Variants in SCN11A observed in about 807,000 individuals in gnomAD.
The protein encoded by SCN11A is sodium channel protein type 11 subunit alpha.
A neutral mutation model predicts 162.2 loss-of-function variants in SCN11A; 122 were observed. The observed-to-expected ratio is 0.75, with a 90% CI of 0.65 to 0.87. The LOEUF (loss-of-function observed/expected upper bound fraction) is 0.87. SCN11A is among the 40% of genes least tolerant of loss of function. SCN11A has a pLI of 0.00. For synonymous variants in SCN11A, 758 were observed against 751.5 expected (o/e 1.01, Z -0.14); for missense variants, 2,015 against 2,181.6 (o/e 0.92, Z 1.52).
At position 38,939,002 on chromosome 3, in the gene SCN11A, A is replaced by C. The variant is rs181447272; in HGVS notation, c.488+6409T>G. Among the ~76,000 whole-genome samples the C allele has an allele frequency of 2.7e-4, 41 of 152,138 alleles. No homozygotes were observed. In the East Asian group the frequency reaches 5.5e-3, roughly 20 times the overall value. On this transcript the variant is annotated intron_variant, in intron 7 of 29. Coordinates refer to ENST00000302328, the MANE Select transcript of SCN11A (RefSeq NM_001349253.2). Reference sequence around the variant, plus strand: ...GACCTGGGCAACATGGCAAAACCCCATCTCTACTAAAAATACAAAAATTAG... The same window carrying C: ...GACCTGGGCAACATGGCAAAACCCCCTCTCTACTAAAAATACAAAAATTAG...
intron 11 of SCN11A, among the ~76,000 whole-genome samples, chr3:38,914,749 G>GT (rs1312005792): frequency 6.6e-6 from 1 of 151,992 alleles, no homozygotes; most frequent in African/African-American, 2.4e-5. Context: ...ATATTCATGT[G>GT]TTTTTTTACT....
chr3:38,940,192 C>G (rs1016145846), intron 7 of SCN11A, among the ~76,000 whole-genome samples: 2 of 151,856 alleles, frequency 1.3e-5, no homozygotes, highest in African/African-American at 2.4e-5. Flanking sequence ...TGTGGAAGAT[C>G]TGTATGAAGA....
chr3:39,033,827 T>C (rs1394005410), intron 1 of SCN11A, among the ~76,000 whole-genome samples: 1 of 152,208 alleles, frequency 6.6e-6, no homozygotes, highest in Non-Finnish European at 1.5e-5. Flanking sequence ...AACTACTATT[T>C]ACATAGCATT....
chr3:38,872,710 T>C (rs1222060878), intron 23 of SCN11A, among the ~76,000 whole-genome samples: 2 of 152,186 alleles, frequency 1.3e-5, no homozygotes, highest in Non-Finnish European at 2.9e-5. Flanking sequence ...GATCACTGTA[T>C]TGTAATCATG....
chr3:38,997,545 C>T (rs1471621032), intron 2 of SCN11A, among the ~76,000 whole-genome samples: 1 of 152,144 alleles, frequency 6.6e-6, no homozygotes, highest in Non-Finnish European at 1.5e-5. Context: ...ACATCATATA[C>T]AACTTATTAG....
intron 2 of SCN11A, among the ~76,000 whole-genome samples, chr3:38,967,495 C>T (rs2066790448): frequency 6.6e-6 from 1 of 152,184 alleles, no homozygotes; most frequent in Non-Finnish European, 1.5e-5. Flanking sequence ...GAAGCAGACC[C>T]TCTATTTTCA....
intron 28 of SCN11A, among the ~76,000 whole-genome samples, chr3:38,859,747 T>A (rs2064932575): frequency 6.6e-6 from 1 of 152,186 alleles, no homozygotes; most frequent in African/African-American, 2.4e-5. Flanking sequence ...GAACTAACTT[T>A]GGGAAGGAAT....
At chr3:38,856,189 T>A (rs960700287) in intron 28 of SCN11A, among the ~76,000 whole-genome samples, 1 of 152,206 alleles carries the variant, frequency 6.6e-6, no homozygotes, top group African/African-American at 2.4e-5. Context: ...TCTGTGATTG[T>A]GAAGGGCCTT....
intron 19 of SCN11A, among the ~76,000 whole-genome samples, chr3:38,886,771 C>T (rs1280259820): frequency 3.3e-5 from 5 of 151,976 alleles, no homozygotes; most frequent in Middle Eastern, 3.2e-3. Context: ...AACTAAAAGA[C>T]ATAAAGAAAA....
At chr3:38,909,583 C>CT (rs57060960) in intron 12 of SCN11A, among the ~76,000 whole-genome samples, 1,489 of 133,438 alleles carry the variant, frequency 0.011, 12 homozygotes, top group African/African-American at 0.023. Flanking sequence ...CTTGAAGTTT[C>CT]TTTTTTTTTT....
At chr3:38,886,482 G>C (rs1461962038) in intron 19 of SCN11A, among the ~76,000 whole-genome samples, 2 of 152,036 alleles carry the variant, frequency 1.3e-5, no homozygotes, top group Non-Finnish European at 2.9e-5. Flanking sequence ...GTATGGTTCT[G>C]GTACAAAACT....
At chr3:38,953,934 T>C (rs888578483) in intron 3 of SCN11A, among the ~76,000 whole-genome samples, 175 bp from the exon 4 acceptor site, 3 of 152,142 alleles carry the variant, frequency 2.0e-5, no homozygotes, top group African/African-American at 7.2e-5. Context: ...ACGAGTTCAA[T>C]ACAACCAGCT....
intron 11 of SCN11A, among the ~76,000 whole-genome samples, chr3:38,917,374 T>C (rs76952369): frequency 0.21 from 31,211 of 152,170 alleles, 3,601 homozygotes; most frequent in African/African-American, 0.3. Flanking sequence ...TGAAAGTTCA[T>C]TGTCACACTA....
chr3:38,889,228 C>A (rs982081411), intron 19 of SCN11A, among the ~76,000 whole-genome samples: 2 of 151,590 alleles, frequency 1.3e-5, no homozygotes, highest in African/African-American at 4.9e-5. Context: ...GAGTTCAAGA[C>A]CAGGCTGGCC....
intron 2 of SCN11A, among the ~76,000 whole-genome samples, chr3:38,968,644 A>G (rs945965647): frequency 1.3e-5 from 2 of 152,158 alleles, no homozygotes; most frequent in African/African-American, 4.8e-5. Context: ...ACACGCATAC[A>G]TATATGCAAA....
intron 1 of SCN11A, among the ~76,000 whole-genome samples, chr3:39,040,019 T>C (rs1182780024): frequency 6.6e-6 from 1 of 152,190 alleles, no homozygotes; most frequent in African/African-American, 2.4e-5. Flanking sequence ...AGACATCACG[T>C]GCTGTGTTCC....
rs368937442 is a variant in SCN11A at position 38,915,582 on chromosome 3, T to C, written c.959+4353A>G. 3.3e-5 allele frequency among the ~76,000 whole-genome samples: 5 copies of C among 152,336 alleles called. No individual in the cohort carries two copies. In the South Asian group the frequency reaches 1.0e-3, roughly 32 times the overall value. On this transcript the variant is annotated intron_variant, in intron 11 of 29. Transcript: ENST00000302328. ...TACCCAAAAGTCATTCAGAGGCATG[T>C]TGTTTAATTTCCATGTAATTGCATG...
At chr3:38,923,680 C>A (rs1031108637) in intron 9 of SCN11A, among the ~76,000 whole-genome samples, 4 of 152,160 alleles carry the variant, frequency 2.6e-5, no homozygotes, top group Non-Finnish European at 5.9e-5. Context: ...GAGAGCACTG[C>A]CATCCCTTGC....
intron 2 of SCN11A, among the ~76,000 whole-genome samples, chr3:38,985,380 T>G (rs1478361587): frequency 6.6e-6 from 1 of 150,652 alleles, no homozygotes; most frequent in Non-Finnish European, 1.5e-5. Context: ...TCCACCCATC[T>G]CGGCCTCCCA....
Sources: allele counts gnomAD v4.1 joint callset (sites outside exome capture counted in the v4.1 genomes callset), GRCh38; gene constraint gnomAD v4.1.1; transcripts MANE v1.5; gene names NCBI Gene and HGNC (gene_info 2026-07-23, HGNC 2026-07-21).